The following LSAMP variants were observed in gnomAD, a reference collection of about 807,000 sequenced individuals.
LSAMP encodes limbic system associated membrane protein.
LSAMP carries 7 observed loss-of-function variants against 38.6 expected under a neutral mutation model. The observed-to-expected ratio is 0.18, with a 90% confidence interval of 0.10 to 0.34. The LOEUF is 0.34. LSAMP is among the 10% of genes least tolerant of loss of function. The pLI is 1.00. For synonymous variants in LSAMP, 154 were observed against 166.8 expected (o/e 0.92, Z 0.59); for missense variants, 313 against 420.0 (o/e 0.75, Z 2.23).
Position 115,908,837 on chromosome 3 carries a change from G to A in LSAMP, c.515-56220C>T, listed in dbSNP as rs75539459. ...CTCTCTTATTTGCAGCTTGCCTGTC[G>A]TCATCTCCAACCTGTCTAGATGTTT... On this transcript the variant is annotated intron_variant, in intron 3 of 6. Coordinates refer to ENST00000490035, the MANE Select transcript of LSAMP (RefSeq NM_002338.5). Among the ~76,000 whole-genome samples the A allele has an allele frequency of 8.8e-3, 1,345 of 152,168 alleles. 19 individuals carry two copies. Among genetic ancestry groups the A allele is most frequent in the African/African-American group, 0.03 (1,232 of 41,534 alleles).
chr3:116,299,538 T>C (rs140047450), intron 1 of LSAMP, among the ~76,000 whole-genome samples: 142 of 152,326 alleles, frequency 9.3e-4, no homozygotes, highest in African/African-American at 3.2e-3. Context: ...ATAATAGCAA[T>C]ACAAATATAA....
At chr3:116,345,452 A>T (rs2048052824) in intron 1 of LSAMP, among the ~76,000 whole-genome samples, 1 of 152,152 alleles carries the variant, frequency 6.6e-6, no homozygotes, top group Non-Finnish European at 1.5e-5. Context: ...GGGTGTATCA[A>T]TCTTCTCTTT....
chr3:116,150,669 G>T (rs1020276679), intron 1 of LSAMP, among the ~76,000 whole-genome samples: 8 of 151,944 alleles, frequency 5.3e-5, no homozygotes, highest in African/African-American at 1.9e-4. Context: ...AGGAGTCAGG[G>T]TTATCAAGAT....
intron 3 of LSAMP, among the ~76,000 whole-genome samples, chr3:115,994,686 G>A (rs866709031): frequency 6.6e-5 from 10 of 152,092 alleles, no homozygotes; most frequent in Non-Finnish European, 1.2e-4. Flanking sequence ...GAGTCATTAA[G>A]AGCAAATTTT....
At chr3:116,016,104 T>G (rs1472902844) in intron 3 of LSAMP, among the ~76,000 whole-genome samples, 1 of 152,090 alleles carries the variant, frequency 6.6e-6, no homozygotes. Context: ...CTCTTCCACA[T>G]AGCTTGTTTG....
At chr3:115,827,406 A>G (rs988861936) in intron 6 of LSAMP, among the ~76,000 whole-genome samples, 2 of 150,838 alleles carry the variant, frequency 1.3e-5, no homozygotes, top group African/African-American at 2.5e-5. Context: ...TTAGGCAGTT[A>G]AAAAGGTCAT....
intron 1 of LSAMP, among the ~76,000 whole-genome samples, chr3:116,412,044 C>T (rs951217861): frequency 6.6e-6 from 1 of 152,024 alleles, no homozygotes; most frequent in African/African-American, 2.4e-5. Flanking sequence ...GCAAAACAAA[C>T]TGTTCTTATT....
At chr3:116,268,449 CATGGACG>C (rs2046922618) in intron 1 of LSAMP, among the ~76,000 whole-genome samples, 1 of 152,028 alleles carries the variant, frequency 6.6e-6, no homozygotes, top group Non-Finnish European at 1.5e-5. Flanking sequence ...GTATCTGAGG[CATGGACG>C]GGGGATGGGG....
At chr3:116,155,954 A>C (rs1018915659) in intron 1 of LSAMP, among the ~76,000 whole-genome samples, 1 of 152,192 alleles carries the variant, frequency 6.6e-6, no homozygotes, top group Non-Finnish European at 1.5e-5. Context: ...CTCAGCAAGC[A>C]GTGAGCCAAG....
In LSAMP at chr3:115,809,565, C is replaced by G. The variant is rs377670947; in HGVS notation, c.*752G>C. 6.6e-6 allele frequency: 1 copy of G among 152,376 alleles called. No homozygotes were observed. The highest frequency in any genetic ancestry group is 1.5e-5 in the Non-Finnish European group (1 of 68,214). The allele number at this position is 152,376 out of a possible 1,614,324, so 9.4% of individuals were successfully genotyped here. A position where few individuals can be genotyped will look rare whatever the true frequency, so the allele number is the denominator to read the frequency against. On this transcript the variant is annotated 3_prime_UTR_variant, in exon 7 of 7. Transcript: ENST00000490035. ...ACACGCTCACACACATGTACACCCA[C>G]GTGAGAGCGAAAGACTTGAGCACAC...
intron 1 of LSAMP, among the ~76,000 whole-genome samples, chr3:116,287,461 C>T (rs544745562): frequency 3.9e-5 from 6 of 152,218 alleles, no homozygotes; most frequent in South Asian, 2.1e-4. Flanking sequence ...TTTGTGCATT[C>T]GGAAGAGCAG....
rs1486313818 is a variant in LSAMP at position 116,445,097 on chromosome 3, G to A, written c.-66C>T. ...GGGGTGCGCGCTGCTCGCGAGGAGA[G>A]GCTTCACCAACACGGGGCTTTCATC... On this transcript the variant is annotated 5_prime_UTR_variant, in exon 1 of 7. Coordinates refer to ENST00000490035, the MANE Select transcript of LSAMP (RefSeq NM_002338.5). 7 of 1,507,980 alleles carry A rather than the reference G, an allele frequency of 4.6e-6. No individual in the cohort carries two copies. The highest frequency in any genetic ancestry group is 2.0e-4 in the Middle Eastern group (1 of 4,882). 93.4% of individuals were successfully genotyped at this position (1,507,980 alleles called of 1,614,324 possible). A position where few individuals can be genotyped will look rare whatever the true frequency, so the allele number is the denominator to read the frequency against.
intron 3 of LSAMP, among the ~76,000 whole-genome samples, chr3:115,980,345 T>G (rs1276362803): frequency 6.6e-6 from 1 of 152,144 alleles, no homozygotes; most frequent in African/African-American, 2.4e-5. Context: ...TTTTGAAATT[T>G]TTCAGTTTCC....
At chr3:116,438,633 C>T (rs2049388229) in intron 1 of LSAMP, among the ~76,000 whole-genome samples, 2 of 152,254 alleles carry the variant, frequency 1.3e-5, no homozygotes, top group African/African-American at 4.8e-5. Flanking sequence ...AATATGTTGG[C>T]ACAGAAGCCA....
intron 1 of LSAMP, among the ~76,000 whole-genome samples, chr3:116,278,597 C>A (rs2107679158): frequency 6.6e-6 from 1 of 152,240 alleles, no homozygotes; most frequent in Middle Eastern, 3.4e-3. Context: ...TTTGAAGTAA[C>A]TGAAAGTTAC....
chr3:116,236,508 G>T (rs569491351), intron 1 of LSAMP, among the ~76,000 whole-genome samples: 2 of 151,896 alleles, frequency 1.3e-5, no homozygotes, highest in Admixed American at 6.6e-5. Context: ...ACTCACTATT[G>T]GTGCCCACTT....
At chr3:116,073,399 C>T (rs2107387165) in intron 2 of LSAMP, among the ~76,000 whole-genome samples, 1 of 152,178 alleles carries the variant, frequency 6.6e-6, no homozygotes, top group South Asian at 2.1e-4. Context: ...GCTATTTGGG[C>T]TCTTTTTTTG....
chr3:116,160,204 A>G (rs569128758), intron 1 of LSAMP, among the ~76,000 whole-genome samples: 1 of 152,340 alleles, frequency 6.6e-6, no homozygotes, highest in East Asian at 1.9e-4. Flanking sequence ...GTTTGAGACC[A>G]GTCTGACCAA....
chr3:116,279,864 C>A (rs1000924249), intron 1 of LSAMP, among the ~76,000 whole-genome samples: 1 of 152,104 alleles, frequency 6.6e-6, no homozygotes, highest in Non-Finnish European at 1.5e-5. Flanking sequence ...AGATTAGCTG[C>A]ACTTGCCCAT....
Sources: gnomAD v4.1 joint callset for allele counts (sites outside exome capture counted in the v4.1 genomes callset) on GRCh38, gnomAD v4.1.1 for gene constraint, MANE v1.5 for transcripts, NCBI Gene and HGNC (gene_info 2026-07-23, HGNC 2026-07-21) for gene names.